Variants in GALNT13 observed in about 807,000 individuals in gnomAD.
The protein encoded by GALNT13 is UDP-GalNAc:polypeptide N-acetylgalactosaminyltransferase 13.
Under a neutral mutation model 64.2 loss-of-function variants are expected in GALNT13, and 28 were observed. The observed-to-expected ratio is 0.44, with a 90% confidence interval of 0.32 to 0.60. GALNT13 has a LOEUF of 0.60. GALNT13 is among the 20% of genes least tolerant of loss of function. The pLI is 0.05. For synonymous variants in GALNT13, 214 were observed against 224.6 expected, an observed-to-expected ratio of 0.95 and a Z score of 0.42; for missense variants, 577 against 669.8, an observed-to-expected ratio of 0.86 and a Z score of 1.53.
At chr2:153,107,649 G>C in the GALNT13 span, among the ~76,000 whole-genome samples, 2 of 152,250 alleles carry the variant, frequency 1.3e-5, no homozygotes, top group South Asian at 4.1e-4. Flanking sequence ...CAAATCATTT[G>C]TATTTGCCTT....
At chr2:153,784,658 A>G in the GALNT13 span, among the ~76,000 whole-genome samples, 1 of 152,152 alleles carries the variant, frequency 6.6e-6, no homozygotes, top group East Asian at 1.9e-4. Flanking sequence ...AGAGGCTGCA[A>G]CTCTGGCAAA....
the GALNT13 span, among the ~76,000 whole-genome samples, chr2:153,075,122 C>T: frequency 1.3e-5 from 2 of 152,098 alleles, no homozygotes; most frequent in Non-Finnish European, 2.9e-5. Context: ...ACTTTATTGC[C>T]TTCTAGTATG....
Position 154,042,504 on chromosome 2 carries a change from TTCC to T in GALNT13, c.143-97831_143-97829del, listed in dbSNP as rs765395166. Among the ~76,000 whole-genome samples the T allele has an allele frequency of 8.0e-4, 112 of 139,352 alleles. 17 individuals are homozygous for T. The highest frequency in any genetic ancestry group is 1.5e-3 in the Non-Finnish European group (93 of 60,862). The allele number at this position is 139,352 out of a possible 152,430, so 91.4% of individuals were successfully genotyped here. A position where few individuals can be genotyped will look rare whatever the true frequency, so the allele number is the denominator to read the frequency against. On this transcript the variant is annotated intron_variant, in intron 3 of 12. Coordinates refer to ENST00000392825, the MANE Select transcript of GALNT13 (RefSeq NM_052917.4). Reference sequence around the variant, plus strand: ...TTAAATATCACCTCTTCAGAGGAATTTCCTGATCACCCAGTCTAAAGCAGCCTT... The same window carrying T: ...TTAAATATCACCTCTTCAGAGGAATTTGATCACCCAGTCTAAAGCAGCCTT...
At chr2:153,764,141 T>C in the GALNT13 span, among the ~76,000 whole-genome samples, 78 of 152,272 alleles carry the variant, frequency 5.1e-4, no homozygotes, top group African/African-American at 1.9e-3. Context: ...GCGTAGAGAT[T>C]GGCATCATTT....
At chr2:154,075,356 C>T (rs1700932725) in intron 3 of GALNT13, among the ~76,000 whole-genome samples, 1 of 151,682 alleles carries the variant, frequency 6.6e-6, no homozygotes, top group Non-Finnish European at 1.5e-5. Flanking sequence ...CCTTTCTTTT[C>T]CTCTTTAGGT....
At chr2:153,625,414 G>T in the GALNT13 span, among the ~76,000 whole-genome samples, 1 of 152,154 alleles carries the variant, frequency 6.6e-6, no homozygotes. Flanking sequence ...ACAAAAGCCT[G>T]TAACAAAACA....
chr2:153,768,952 A>G, the GALNT13 span, among the ~76,000 whole-genome samples: 3 of 152,138 alleles, frequency 2.0e-5, no homozygotes, highest in South Asian at 2.1e-4. Flanking sequence ...TGTGTTATAT[A>G]TATTTTTCTA....
chr2:153,230,171 G>A, the GALNT13 span, among the ~76,000 whole-genome samples: 4 of 152,172 alleles, frequency 2.6e-5, no homozygotes, highest in Non-Finnish European at 5.9e-5. Context: ...TCCTCTGTGC[G>A]GAAGATTAGT....
chr2:154,277,636 G>A (rs751282813), intron 8 of GALNT13, among the ~76,000 whole-genome samples: 2 of 152,058 alleles, frequency 1.3e-5, no homozygotes, highest in Non-Finnish European at 2.9e-5. Context: ...ATAATGTTGA[G>A]GGGAGAATTT....
chr2:153,498,105 G>A, the GALNT13 span, among the ~76,000 whole-genome samples: 1 of 152,200 alleles, frequency 6.6e-6, no homozygotes, highest in Admixed American at 6.5e-5. Flanking sequence ...TAAACAAATA[G>A]ATCAAGTTAG....
chr2:154,084,322 G>C (rs887553616), intron 3 of GALNT13, among the ~76,000 whole-genome samples: 5 of 151,662 alleles, frequency 3.3e-5, no homozygotes, highest in Non-Finnish European at 5.9e-5. Flanking sequence ...AAGATTCTTT[G>C]TTTACATAGT....
the GALNT13 span, among the ~76,000 whole-genome samples, chr2:153,132,327 C>T: frequency 2.6e-5 from 4 of 152,270 alleles, no homozygotes; most frequent in Middle Eastern, 3.4e-3. Context: ...CTCCAGGTCT[C>T]AGCTGTGGGG....
chr2:154,187,861 A>G (rs1366916357), intron 4 of GALNT13, among the ~76,000 whole-genome samples: 1 of 152,276 alleles, frequency 6.6e-6, no homozygotes, highest in Admixed American at 6.5e-5. Context: ...TCTGACCATA[A>G]GTGACAGAAA....
chr2:153,705,674 A>C, the GALNT13 span, among the ~76,000 whole-genome samples: 30 of 152,308 alleles, frequency 2.0e-4, no homozygotes, highest in African/African-American at 6.7e-4. Context: ...CAGTTGCACA[A>C]ACACATTTCA....
the GALNT13 span, among the ~76,000 whole-genome samples, chr2:153,314,434 C>T: frequency 0.015 from 2,242 of 152,072 alleles, 64 homozygotes; most frequent in African/African-American, 0.051. Flanking sequence ...AGAAACTAGA[C>T]CAAAAAGACA....
chr2:153,437,824 A>G, the GALNT13 span, among the ~76,000 whole-genome samples: 260 of 152,316 alleles, frequency 1.7e-3, no homozygotes, highest in Non-Finnish European at 2.9e-3. Context: ...TAGCCCATTT[A>G]CATTTAAGGT....
chr2:153,392,433 A>G, the GALNT13 span, among the ~76,000 whole-genome samples: 14 of 152,070 alleles, frequency 9.2e-5, no homozygotes, highest in Non-Finnish European at 1.2e-4. Context: ...GTTTGTTTCC[A>G]TCTCAAAGCA....
chr2:153,095,143 A>G, the GALNT13 span, among the ~76,000 whole-genome samples: 64 of 152,366 alleles, frequency 4.2e-4, no homozygotes, highest in South Asian at 8.3e-4. Context: ...TACCCATCTG[A>G]TAAAGGGCTA....
the GALNT13 span, among the ~76,000 whole-genome samples, chr2:153,156,182 T>C: frequency 2.6e-5 from 4 of 152,326 alleles, no homozygotes; most frequent in African/African-American, 9.6e-5. Flanking sequence ...GTAAGGGCCA[T>C]GTGGCCATGA....
Sources: allele counts gnomAD v4.1 joint callset (sites outside exome capture counted in the v4.1 genomes callset), GRCh38; gene constraint gnomAD v4.1.1; transcripts MANE v1.5; gene names NCBI Gene and HGNC (gene_info 2026-07-23, HGNC 2026-07-21).